POLR1E: variants seen among roughly 807,000 people sequenced by gnomAD.
POLR1E encodes the protein DNA-directed RNA polymerase I subunit RPA49.
A neutral mutation model predicts 50.9 loss-of-function variants in POLR1E; 37 were observed. That is an observed-to-expected ratio of 0.73 (90% CI 0.56 to 0.96). The LOEUF (loss-of-function observed/expected upper bound fraction) is 0.96. Ranked by LOEUF, POLR1E falls within the 40% of genes least tolerant of loss-of-function variation. The pLI is 0.00. For synonymous variants in POLR1E, 166 were observed against 191.6 expected (o/e 0.87, Z 1.10); for missense variants, 426 against 518.1 (o/e 0.82, Z 1.73).
intron 8 of POLR1E, among the ~76,000 whole-genome samples, chr9:37,496,200 C>T (rs1460333890): frequency 1.3e-5 from 2 of 152,022 alleles, no homozygotes; most frequent in African/African-American, 4.8e-5. Context: ...GTGGGACCTG[C>T]GACAGGGCAG....
At position 37,486,035 on chromosome 9, in the gene POLR1E, A is replaced by T; in HGVS notation, c.-13A>T. ...CTGTCTTAACTCCTGTGCTTGGCGGACAGACAGGCGAGATGGCGGCGGAGG... is the reference window on the plus strand; with the variant it reads ...CTGTCTTAACTCCTGTGCTTGGCGGTCAGACAGGCGAGATGGCGGCGGAGG... On this transcript the variant is annotated 5_prime_UTR_variant, in exon 1 of 12. Coordinates refer to ENST00000377798, the MANE Select transcript of POLR1E (RefSeq NM_022490.4). 6.3e-7 allele frequency: 1 copy of T among 1,596,336 alleles called. No homozygotes were observed. The highest frequency in any genetic ancestry group is 8.5e-7 in the Non-Finnish European group (1 of 1,173,414).
At chr9:37,488,660 CTG>C (rs1820621354) in intron 3 of POLR1E, among the ~76,000 whole-genome samples, 1 of 152,144 alleles carries the variant, frequency 6.6e-6, no homozygotes, top group South Asian at 2.1e-4. Flanking sequence ...CTCCATAAAA[CTG>C]TTGTGCCATA....
chr9:37,486,719 G>A lies in POLR1E; in HGVS notation c.93G>A (p.Gly31=). The part of the protein sequence containing the change: ...QRAVLVQFSN[G]KLQSPGNMRF... ...CTCTTACAGTCCAGTTCTCCAACGGGAAGCTACAGAGTCCAGGCAACATGC... is the reference window on the plus strand; with the variant it reads ...CTCTTACAGTCCAGTTCTCCAACGGAAAGCTACAGAGTCCAGGCAACATGC... Residue 31 remains glycine, a synonymous_variant, in exon 2 of 12, where the codon GGG becomes GGA. Transcript: ENST00000377798. The A allele has an allele frequency of 6.2e-7, 1 of 1,614,206 alleles. No individual in the cohort carries two copies. Among genetic ancestry groups the A allele is most frequent in the Non-Finnish European group, 8.5e-7 (1 of 1,180,040 alleles).
At chr9:37,502,941 C>A in intron 11 of POLR1E, 102 bp from the exon 12 acceptor site, 1 of 1,267,094 alleles carries the variant, frequency 7.9e-7, no homozygotes, top group Non-Finnish European at 1.1e-6. Flanking sequence ...GGGATTCTGT[C>A]TTTATGGCCT....
At chr9:37,491,972 A>C (rs1412723214) in intron 4 of POLR1E, among the ~76,000 whole-genome samples, 2 of 152,238 alleles carry the variant, frequency 1.3e-5, no homozygotes, top group East Asian at 3.8e-4. Context: ...TGTAAATATG[A>C]GTTTATTCTA....
At chr9:37,500,155 TTTTTGTTTTG>T (rs139118594) in intron 9 of POLR1E, among the ~76,000 whole-genome samples, 29,092 of 145,942 alleles carry the variant, frequency 0.2, 4,470 homozygotes, top group African/African-American at 0.43. Context: ...AGCCAGTTGT[TTTTTGTTTTG>T]TTTTGTTTTG....
chr9:37,503,244 C>T lies in POLR1E; in HGVS notation c.*42C>T, dbSNP rs11792930. On this transcript the variant is annotated 3_prime_UTR_variant, in exon 12 of 12. Transcript: ENST00000377798. Reference sequence around the variant, plus strand: ...CAGGGCGTTTTGGCTGCATCACAGCCACTGGCTGGTCCTATTCATTTCCAT... The same window carrying T: ...CAGGGCGTTTTGGCTGCATCACAGCTACTGGCTGGTCCTATTCATTTCCAT... The T allele has an allele frequency of 0.1, 159,500 of 1,558,396 alleles. 8,651 individuals carry two copies. The highest frequency in any genetic ancestry group is 0.16 in the East Asian group (6,937 of 44,048).
chr9:37,499,936 C>T (rs12004935), intron 9 of POLR1E, among the ~76,000 whole-genome samples: 3,460 of 151,608 alleles, frequency 0.023, 119 homozygotes, highest in African/African-American at 0.079. Context: ...CTGCAACCTC[C>T]ACCTACTGGG....
At position 37,493,719 on chromosome 9, in the gene POLR1E, T is replaced by C. The variant is rs886443283; in HGVS notation, c.547+16T>C. 3.3e-6 allele frequency: 5 copies of C among 1,512,614 alleles called. No individual in the cohort carries two copies. The highest frequency in any genetic ancestry group is 4.5e-6 in the Non-Finnish European group (5 of 1,122,638). 93.7% of individuals were successfully genotyped at this position (1,512,614 alleles called of 1,614,324 possible). A position where few individuals can be genotyped will look rare whatever the true frequency, so the allele number is the denominator to read the frequency against. ...GGTGTGACTGGTAAGAAGTTGGAAC[T>C]TGGGCTAAGAGTCTGCCCATAATGA... On this transcript the variant is annotated intron_variant, in intron 6 of 11. Coordinates refer to ENST00000377798, the MANE Select transcript of POLR1E (RefSeq NM_022490.4).
chr9:37,492,819 G>C (rs1820709047), intron 5 of POLR1E, 104 bp downstream of exon 5: 2 of 928,606 alleles, frequency 2.2e-6, no homozygotes, highest in African/African-American at 1.6e-5. Context: ...GGTCTCCCTG[G>C]CTGCTCCCCG....
chr9:37,502,168 C>T (rs970249010), intron 11 of POLR1E, among the ~76,000 whole-genome samples: 1 of 152,176 alleles, frequency 6.6e-6, no homozygotes, highest in African/African-American at 2.4e-5. Flanking sequence ...GAGACCTGAG[C>T]CTTTCCATAA....
chr9:37,493,101 A>T (rs1021231488), intron 5 of POLR1E, among the ~76,000 whole-genome samples: 1 of 152,250 alleles, frequency 6.6e-6, no homozygotes, highest in Non-Finnish European at 1.5e-5. Flanking sequence ...TACAAAGGTC[A>T]TCTCACCCCA....
chr9:37,492,088 C>T (rs201403197), intron 4 of POLR1E, among the ~76,000 whole-genome samples: 5,383 of 152,028 alleles, frequency 0.035, 182 homozygotes, highest in African/African-American at 0.09. Flanking sequence ...TACTGTTGTT[C>T]TTTTTTTACC....
chr9:37,495,386 C>A, intron 7 of POLR1E, 110 bp downstream of exon 7: 2 of 928,612 alleles, frequency 2.2e-6, no homozygotes, highest in Non-Finnish European at 3.5e-6. Flanking sequence ...TTCACAAGAG[C>A]TCCATCCAAA....
intron 2 of POLR1E, 85 bp from the exon 3 acceptor site, chr9:37,487,778 G>T (rs1564321922): frequency 1.5e-6 from 2 of 1,299,828 alleles, no homozygotes; most frequent in East Asian, 4.6e-5. Context: ...GGATTCAAAA[G>T]CCTCAGCAAA....
chr9:37,496,063 T>C (rs930169090), intron 8 of POLR1E, 77 bp downstream of exon 8: 1 of 1,043,670 alleles, frequency 9.6e-7, no homozygotes, highest in Non-Finnish European at 1.5e-6. Flanking sequence ...GTGCAGGTCC[T>C]CTGGGCGTCA....
At chr9:37,490,250 G>A (rs1213585718) in intron 4 of POLR1E, among the ~76,000 whole-genome samples, 6 of 152,082 alleles carry the variant, frequency 3.9e-5, no homozygotes, top group Non-Finnish European at 5.9e-5. Context: ...GCTACCTCAC[G>A]TCTTTCAGCA....
At chr9:37,492,495 G>A (rs10814563) in intron 4 of POLR1E, 162 bp from the exon 5 acceptor site, 169,658 of 818,916 alleles carry the variant, frequency 0.21, 18,677 homozygotes, top group Admixed American at 0.3. Context: ...TACTAAAGCT[G>A]CATATTAAAT....
At position 37,498,135 on chromosome 9, in the gene POLR1E, A is replaced by T; in HGVS notation, c.797A>T (p.Asp266Val). Reference protein sequence around the residue: ...VIEALKSLPSDVESRDRQARC... With the variant: ...VIEALKSLPSVVESRDRQARC... Reference sequence around the variant, plus strand: ...GAAGCGTTGAAGTCTTTGCCATCAGATGTGGAGAGCCGAGACCGCCAGGCC... The same window carrying T: ...GAAGCGTTGAAGTCTTTGCCATCAGTTGTGGAGAGCCGAGACCGCCAGGCC... Residue 266 changes from aspartate to valine, a missense_variant, in exon 9 of 12, where the codon GAT becomes GTT. By Grantham distance (152) the Asp-to-Val change is radical (BLOSUM62 -3). Transcript: ENST00000377798. 6.2e-7 allele frequency: 1 copy of T among 1,613,988 alleles called. No homozygotes were observed. The highest frequency in any genetic ancestry group is 8.5e-7 in the Non-Finnish European group (1 of 1,179,950).
Sources: allele counts gnomAD v4.1 joint callset (sites outside exome capture counted in the v4.1 genomes callset), GRCh38; gene constraint gnomAD v4.1.1; transcripts MANE v1.5; gene names NCBI Gene and HGNC (gene_info 2026-07-23, HGNC 2026-07-21).